Variants in CNOT2 observed in about 807,000 individuals in gnomAD.
CNOT2 encodes CC chemokine receptor 4-negative regulator of transcription 2.
A neutral mutation model predicts 72.1 loss-of-function variants in CNOT2; 7 were observed. The ratio of observed to expected loss-of-function variants is 0.10; its 90% CI spans 0.06 to 0.18. The LOEUF (loss-of-function observed/expected upper bound fraction) is 0.18, where lower values mean the gene tolerates loss of function less well. CNOT2 is among the 10% of genes least tolerant of loss of function. The pLI, the probability that CNOT2 is intolerant of heterozygous loss-of-function variation, is 1.00. For synonymous variants in CNOT2, 196 were observed against 225.6 expected, an observed-to-expected ratio of 0.87 and a Z score of 1.17; for missense variants, 345 against 660.3, an observed-to-expected ratio of 0.52 and a Z score of 5.23.
chr12:70,302,638 A>G (rs1456888143), intron 2 of CNOT2, among the ~76,000 whole-genome samples: 1 of 151,726 alleles, frequency 6.6e-6, no homozygotes, highest in African/African-American at 2.4e-5. Flanking sequence ...ACTTCCAACT[A>G]TGTGGTCAAC....
At chr12:70,302,499 G>C (rs1433656015) in intron 2 of CNOT2, among the ~76,000 whole-genome samples, 3 of 151,996 alleles carry the variant, frequency 2.0e-5, no homozygotes, top group African/African-American at 7.2e-5. Context: ...GGAGCAGGTT[G>C]TTCAGTTTCC....
intron 3 of CNOT2, among the ~76,000 whole-genome samples, chr12:70,316,348 ATTTC>A (rs1877328945): frequency 6.6e-6 from 1 of 152,066 alleles, no homozygotes; most frequent in African/African-American, 2.4e-5. Flanking sequence ...GTCAGAGTAT[ATTTC>A]TTGTGCATTT....
At chr12:70,322,789 G>C (rs1243309434) in intron 4 of CNOT2, 1 of 151,758 alleles carries the variant, frequency 6.6e-6, no homozygotes, top group Non-Finnish European at 1.5e-5. Flanking sequence ...TGGTTCAGAA[G>C]TGATGCTATC....
At chr12:70,284,599 A>G (rs1870547210) in intron 2 of CNOT2, among the ~76,000 whole-genome samples, 1 of 113,144 alleles carries the variant, frequency 8.8e-6, no homozygotes, top group African/African-American at 3.4e-5. Flanking sequence ...TTTTTTTGGC[A>G]TTCATGGCTT....
chr12:70,258,210 G>T (rs536490542), intron 1 of CNOT2, among the ~76,000 whole-genome samples: 2 of 152,234 alleles, frequency 1.3e-5, no homozygotes, highest in East Asian at 1.9e-4. Context: ...TTCCTGGGAA[G>T]AAAAAGTAAA....
At chr12:70,335,865 T>C (rs893621014) in intron 8 of CNOT2, 1 of 199,820 alleles carries the variant, frequency 5.0e-6, no homozygotes, top group African/African-American at 2.3e-5. Context: ...GTGTTTTATT[T>C]TGTGGTCTGC....
intron 1 of CNOT2, among the ~76,000 whole-genome samples, chr12:70,271,337 G>C (rs1959215178): frequency 1.3e-5 from 2 of 150,546 alleles, no homozygotes; most frequent in African/African-American, 4.9e-5. Flanking sequence ...TGACAAGAGG[G>C]ATAGGATTAC....
chr12:70,263,506 T>C (rs1221378336), intron 1 of CNOT2, among the ~76,000 whole-genome samples: 1 of 152,222 alleles, frequency 6.6e-6, no homozygotes, highest in East Asian at 1.9e-4. Context: ...AGCCTCTGAA[T>C]TTTTCAGTTC....
intron 1 of CNOT2, among the ~76,000 whole-genome samples, chr12:70,268,992 A>G (rs1251962817): frequency 3.3e-5 from 5 of 152,138 alleles, no homozygotes; most frequent in South Asian, 4.2e-4. Flanking sequence ...CATCTCACCC[A>G]TCATTTTCTT....
chr12:70,328,035 T>C (rs1321563710), intron 4 of CNOT2, among the ~76,000 whole-genome samples: 1 of 151,884 alleles, frequency 6.6e-6, no homozygotes, highest in Non-Finnish European at 1.5e-5. Context: ...TAGACATACA[T>C]AAAAGTGTAC....
chr12:70,338,897 A>G (rs1881066573), intron 11 of CNOT2, 75 bp downstream of exon 11: 2 of 1,250,478 alleles, frequency 1.6e-6, no homozygotes, highest in Middle Eastern at 2.0e-4. Flanking sequence ...CATGTCATCA[A>G]ATTATCTCAC....
intron 1 of CNOT2, among the ~76,000 whole-genome samples, chr12:70,250,887 G>T (rs1366396197): frequency 1.3e-5 from 2 of 152,140 alleles, no homozygotes; most frequent in Non-Finnish European, 2.9e-5. Context: ...TTTCACTTCA[G>T]AAAATATTGT....
At chr12:70,249,149 A>C (rs186842311) in intron 1 of CNOT2, among the ~76,000 whole-genome samples, 1 of 152,150 alleles carries the variant, frequency 6.6e-6, no homozygotes, top group Non-Finnish European at 1.5e-5. Context: ...GTTTTGTGTC[A>C]TATCTGGCAA....
chr12:70,257,670 A>G lies in CNOT2; in HGVS notation c.-96+14190A>G, dbSNP rs1477122666. 3.3e-5 allele frequency among the ~76,000 whole-genome samples: 5 copies of G among 151,814 alleles called. No homozygotes were observed. In the East Asian group the frequency reaches 5.8e-4, roughly 18 times the overall value. ...GTGTGAGCCACCGCGCCCGGCCCCA[A>G]CTACCCTTTTCTTAAGTAGACTCTT... On this transcript the variant is annotated intron_variant, in intron 1 of 15. Coordinates refer to ENST00000229195, the MANE Select transcript of CNOT2 (RefSeq NM_014515.7).
At chr12:70,262,563 C>T (rs545270321) in intron 1 of CNOT2, among the ~76,000 whole-genome samples, 4 of 152,358 alleles carry the variant, frequency 2.6e-5, no homozygotes, top group Non-Finnish European at 4.4e-5. Context: ...GCGTGAGCCA[C>T]GGCGCCCGGC....
intron 2 of CNOT2, among the ~76,000 whole-genome samples, chr12:70,281,260 T>A (rs140876906): frequency 0.029 from 4,458 of 152,120 alleles, 142 homozygotes; most frequent in African/African-American, 0.067. Flanking sequence ...AATTTTTGTA[T>A]TTTTAGTAGA....
At chr12:70,289,105 CTT>C (rs1417724619) in intron 2 of CNOT2, among the ~76,000 whole-genome samples, 6 of 148,762 alleles carry the variant, frequency 4.0e-5, no homozygotes, top group South Asian at 4.4e-4. Context: ...TAATATTTTT[CTT>C]CTACCTAAAG....
chr12:70,335,086 T>C (rs573080519), intron 7 of CNOT2: 1 of 166,576 alleles, frequency 6.0e-6, no homozygotes, highest in South Asian at 1.5e-4. Context: ...CTGAGCATAA[T>C]GAAAAGACAA....
chr12:70,257,288 TGTATAG>T (rs1356223576), intron 1 of CNOT2, among the ~76,000 whole-genome samples: 1 of 151,868 alleles, frequency 6.6e-6, no homozygotes, highest in Admixed American at 6.6e-5. Flanking sequence ...TGACAACATA[TGTATAG>T]CATTTAGCAC....
Sources: allele counts gnomAD v4.1 joint callset (sites outside exome capture counted in the v4.1 genomes callset), GRCh38; gene constraint gnomAD v4.1.1; transcripts MANE v1.5; gene names NCBI Gene and HGNC (gene_info 2026-07-23, HGNC 2026-07-21).